DOK5: variants seen among roughly 807,000 people sequenced by gnomAD.
DOK5 encodes the protein downstream of tyrosine kinase 5.
A neutral mutation model predicts 43.3 loss-of-function variants in DOK5; 27 were observed. The ratio of observed to expected loss-of-function variants is 0.62; its 90% CI spans 0.46 to 0.86. The LOEUF (loss-of-function observed/expected upper bound fraction) is 0.86. DOK5 is among the 40% of genes least tolerant of loss of function. DOK5 has a pLI of 0.00. For synonymous variants in DOK5, 146 were observed against 140.1 expected (o/e 1.04, Z -0.30); for missense variants, 373 against 392.9 (o/e 0.95, Z 0.43).
intron 1 of DOK5, among the ~76,000 whole-genome samples, chr20:54,528,644 G>A (rs1983659901): frequency 6.6e-6 from 1 of 152,154 alleles, no homozygotes. Flanking sequence ...GCTTTACCTG[G>A]AAGAATAGAA....
At chr20:54,555,861 GCTT>G (rs1038852763) in intron 2 of DOK5, among the ~76,000 whole-genome samples, 3 of 152,156 alleles carry the variant, frequency 2.0e-5, no homozygotes, top group Non-Finnish European at 4.4e-5. Flanking sequence ...CTGGGGCCAG[GCTT>G]CTTTGCCATT....
At chr20:54,476,167 C>G (rs1981416709) in intron 1 of DOK5, 155 bp downstream of exon 1, 2 of 985,440 alleles carry the variant, frequency 2.0e-6, no homozygotes, top group Non-Finnish European at 2.4e-6. Context: ...GGGGCTGTCA[C>G]TGTAAGGCCA....
At chr20:54,616,580 C>T (rs780192208) in intron 6 of DOK5, among the ~76,000 whole-genome samples, 1 of 151,960 alleles carries the variant, frequency 6.6e-6, no homozygotes, top group Non-Finnish European at 1.5e-5. Context: ...TTTCTATTGC[C>T]ATGTAACAAA....
At chr20:54,635,134 A>G (rs1293583038) in intron 6 of DOK5, among the ~76,000 whole-genome samples, 2 of 152,224 alleles carry the variant, frequency 1.3e-5, no homozygotes, top group Admixed American at 6.5e-5. Flanking sequence ...CATTAACATT[A>G]AAACAGAGAC....
chr20:54,638,711 G>A (rs1364737970), intron 6 of DOK5, among the ~76,000 whole-genome samples: 1 of 150,266 alleles, frequency 6.7e-6, no homozygotes, highest in Admixed American at 6.6e-5. Context: ...GTCACGTGTA[G>A]TATACAGTTT....
At chr20:54,510,177 G>C (rs1568760417) in intron 1 of DOK5, among the ~76,000 whole-genome samples, 1 of 152,100 alleles carries the variant, frequency 6.6e-6, no homozygotes, top group Non-Finnish European at 1.5e-5. Context: ...TGGGAAATCT[G>C]CTGCTATAAT....
At chr20:54,580,942 A>C (rs1985619119) in intron 2 of DOK5, among the ~76,000 whole-genome samples, 1 of 152,096 alleles carries the variant, frequency 6.6e-6, no homozygotes, top group Admixed American at 6.5e-5. Flanking sequence ...TATCCAAGAA[A>C]TCACTGTCAA....
chr20:54,484,215 C>T (rs1349518856), intron 1 of DOK5, among the ~76,000 whole-genome samples: 3 of 151,948 alleles, frequency 2.0e-5, no homozygotes, highest in African/African-American at 2.4e-5. Context: ...CCTGTCTCTA[C>T]TAAAAATACA....
At chr20:54,523,604 C>CT (rs895216472) in intron 1 of DOK5, among the ~76,000 whole-genome samples, 2 of 151,976 alleles carry the variant, frequency 1.3e-5, no homozygotes, top group African/African-American at 4.8e-5. Flanking sequence ...AAATAACTGC[C>CT]TTTTTTTGTT....
intron 1 of DOK5, among the ~76,000 whole-genome samples, chr20:54,538,880 C>T (rs946243388): frequency 3.3e-5 from 5 of 152,178 alleles, no homozygotes; most frequent in Non-Finnish European, 5.9e-5. Context: ...AATATCATCA[C>T]CTGGGTGAAT....
At chr20:54,549,696 A>C (rs1984460796) in intron 1 of DOK5, among the ~76,000 whole-genome samples, 1 of 152,194 alleles carries the variant, frequency 6.6e-6, no homozygotes, top group Non-Finnish European at 1.5e-5. Context: ...AATGTTAGAA[A>C]TGCTGTCATT....
At chr20:54,631,506 A>G (rs1042514728) in intron 6 of DOK5, among the ~76,000 whole-genome samples, 1 of 152,120 alleles carries the variant, frequency 6.6e-6, no homozygotes, top group Non-Finnish European at 1.5e-5. Context: ...CAGCCAGGCT[A>G]TCTGGCTGGG....
intron 1 of DOK5, among the ~76,000 whole-genome samples, chr20:54,510,980 C>T (rs1253066832): frequency 6.6e-6 from 1 of 152,200 alleles, no homozygotes; most frequent in African/African-American, 2.4e-5. Flanking sequence ...CCCACATCAC[C>T]AGGCTTCAAC....
intron 1 of DOK5, among the ~76,000 whole-genome samples, chr20:54,478,562 T>C (rs1317721537): frequency 6.6e-6 from 1 of 152,204 alleles, no homozygotes; most frequent in Non-Finnish European, 1.5e-5. Flanking sequence ...ATTAATGGAA[T>C]CCAGACCATG....
intron 6 of DOK5, among the ~76,000 whole-genome samples, chr20:54,622,242 G>A (rs1196619846): frequency 6.6e-6 from 1 of 152,012 alleles, no homozygotes; most frequent in Non-Finnish European, 1.5e-5. Flanking sequence ...AGCTAAATGA[G>A]ATTAACCTAC....
intron 1 of DOK5, among the ~76,000 whole-genome samples, chr20:54,525,115 A>T (rs1488028362): frequency 6.6e-6 from 1 of 152,196 alleles, no homozygotes; most frequent in Non-Finnish European, 1.5e-5. Flanking sequence ...GGGTCTAATT[A>T]TGAGTGTCCT....
intron 2 of DOK5, among the ~76,000 whole-genome samples, chr20:54,570,375 G>A (rs938436467): frequency 6.6e-6 from 1 of 152,136 alleles, no homozygotes; most frequent in East Asian, 1.9e-4. Flanking sequence ...CTTTATTTTC[G>A]GTAGGATAAT....
chr20:54,571,976 C>T lies in DOK5; in HGVS notation c.175-16507C>T, dbSNP rs74436690. Reference sequence around the variant, plus strand: ...CTTTGTTTTCTTTGCCTCATAAACCCGTGCTCATCCTTCGAGACCCATGTT... The same window carrying T: ...CTTTGTTTTCTTTGCCTCATAAACCTGTGCTCATCCTTCGAGACCCATGTT... On this transcript the variant is annotated intron_variant, in intron 2 of 7. Transcript: ENST00000262593. Among the ~76,000 whole-genome samples the T allele has an allele frequency of 6.2e-3, 951 of 152,162 alleles. 6 individuals carry two copies. Among genetic ancestry groups the T allele is most frequent in the African/African-American group, 0.022 (907 of 41,502 alleles).
intron 1 of DOK5, among the ~76,000 whole-genome samples, chr20:54,482,973 A>G (rs969188128): frequency 6.6e-6 from 1 of 152,216 alleles, no homozygotes; most frequent in African/African-American, 2.4e-5. Flanking sequence ...ATATATATAC[A>G]TGCATCAGCT....
Sources: allele counts gnomAD v4.1 joint callset (sites outside exome capture counted in the v4.1 genomes callset), GRCh38; gene constraint gnomAD v4.1.1; transcripts MANE v1.5; gene names NCBI Gene and HGNC (gene_info 2026-07-23, HGNC 2026-07-21).